Variants in TFDP2 observed in about 807,000 individuals in gnomAD.
TFDP2 encodes the protein transcription factor Dp-2 (E2F dimerization partner 2).
A neutral mutation model predicts 59.3 loss-of-function variants in TFDP2; 17 were observed. That is an observed-to-expected ratio of 0.29 (90% CI 0.20 to 0.43). The LOEUF (loss-of-function observed/expected upper bound fraction) is 0.43, where lower values mean the gene tolerates loss of function less well. TFDP2 is among the 20% of genes least tolerant of loss of function. The probability of loss-of-function intolerance (pLI) is 1.00; values close to 1 mark genes in which losing one functional copy is unlikely to be tolerated. For synonymous variants in TFDP2, 180 were observed against 194.7 expected (o/e 0.92, Z 0.63); for missense variants, 391 against 528.8 (o/e 0.74, Z 2.56).
In TFDP2 at chr3:142,110,103, T is replaced by C. The variant is rs527626274; in HGVS notation, c.-92-8262A>G. On this transcript the variant is annotated intron_variant, in intron 1 of 12. Transcript: ENST00000489671. ...TTCGCCACATTGCCCAGGCTGGTCT[T>C]GAAATCCTAAACTCAAGAGATCCAC... 7.2e-5 allele frequency among the ~76,000 whole-genome samples: 11 copies of C among 152,124 alleles called. No individual in the cohort carries two copies. In the East Asian group the frequency reaches 2.1e-3, roughly 30 times the overall value.
intron 3 of TFDP2, among the ~76,000 whole-genome samples, chr3:142,084,424 A>G (rs115755163): frequency 0.051 from 7,692 of 152,216 alleles, 638 homozygotes; most frequent in African/African-American, 0.17. Flanking sequence ...GAGCTCCTCA[A>G]AAAACTAAAA....
At chr3:142,149,148 C>A in intron 1 of TFDP2, 35 bp downstream of exon 1, 1 of 397,876 alleles carries the variant, frequency 2.5e-6, no homozygotes, top group East Asian at 3.6e-5. Flanking sequence ...AAAGGCCCTC[C>A]GCGCGCGGGC....
intron 3 of TFDP2, among the ~76,000 whole-genome samples, chr3:142,087,915 A>C (rs1216244260): frequency 6.6e-6 from 1 of 152,156 alleles, no homozygotes; most frequent in East Asian, 1.9e-4. Flanking sequence ...CCTCTGCTAC[A>C]TTGTTACTTC....
chr3:141,995,288 T>C, intron 4 of TFDP2, 147 bp from the exon 5 acceptor site: 2 of 519,966 alleles, frequency 3.8e-6, no homozygotes, highest in Non-Finnish European at 6.3e-6. Context: ...ATATAAGCAA[T>C]GCCTTTGATT....
intron 8 of TFDP2, among the ~76,000 whole-genome samples, chr3:141,970,451 CTCTA>C (rs1321000169): frequency 1.3e-5 from 2 of 152,228 alleles, no homozygotes; most frequent in Non-Finnish European, 1.5e-5. Flanking sequence ...TTTATACTCA[CTCTA>C]TCTGCCAACA....
intron 3 of TFDP2, among the ~76,000 whole-genome samples, chr3:142,034,184 C>T (rs919882604): frequency 4.0e-5 from 6 of 150,862 alleles, no homozygotes; most frequent in African/African-American, 1.5e-4. Flanking sequence ...CAACCTCCGC[C>T]TCCCAGGTTC....
At chr3:142,069,933 T>A (rs1268024142) in intron 3 of TFDP2, among the ~76,000 whole-genome samples, 1 of 150,230 alleles carries the variant, frequency 6.7e-6, no homozygotes, top group Non-Finnish European at 1.5e-5. Flanking sequence ...TGAGATGGAG[T>A]CTTGCTCTGT....
At chr3:142,044,241 T>TG (rs1560080669) in intron 3 of TFDP2, 100 of 243,842 alleles carry the variant, frequency 4.1e-4, no homozygotes, top group South Asian at 1.3e-3. Context: ...TTTTTTTTTT[T>TG]TTTTTTTTTT....
intron 1 of TFDP2, among the ~76,000 whole-genome samples, chr3:142,135,855 C>A (rs1262470316): frequency 6.6e-6 from 1 of 152,038 alleles, no homozygotes; most frequent in Non-Finnish European, 1.5e-5. Flanking sequence ...AATAGTGCTG[C>A]AATAAACACA....
At chr3:141,988,022 T>C (rs1215049572) in intron 6 of TFDP2, among the ~76,000 whole-genome samples, 2 of 150,598 alleles carry the variant, frequency 1.3e-5, no homozygotes, top group African/African-American at 4.8e-5. Flanking sequence ...TCTTGGCTCA[T>C]TGCAGCCTTG....
At chr3:142,029,609 T>G (rs939730232) in intron 3 of TFDP2, among the ~76,000 whole-genome samples, 3 of 152,190 alleles carry the variant, frequency 2.0e-5, no homozygotes, top group Non-Finnish European at 4.4e-5. Context: ...ACTGTCAATA[T>G]TAATAAGCTT....
intron 6 of TFDP2, among the ~76,000 whole-genome samples, chr3:141,987,232 AT>A (rs2108126370): frequency 6.6e-6 from 1 of 151,878 alleles, no homozygotes; most frequent in African/African-American, 2.4e-5. Context: ...AAAGCTTTTT[AT>A]TCACTACTAA....
intron 4 of TFDP2, among the ~76,000 whole-genome samples, chr3:142,002,614 T>C (rs551462548): frequency 6.6e-6 from 1 of 152,250 alleles, no homozygotes; most frequent in South Asian, 2.1e-4. Context: ...AAAGTGAGGC[T>C]TTCTCTATAG....
At chr3:142,032,025 C>T (rs896946296) in intron 3 of TFDP2, among the ~76,000 whole-genome samples, 5 of 152,182 alleles carry the variant, frequency 3.3e-5, no homozygotes, top group Admixed American at 6.5e-5. Context: ...AAAAACATTG[C>T]ATAGTAAATA....
chr3:142,077,282 C>T (rs972147236), intron 3 of TFDP2, among the ~76,000 whole-genome samples: 1 of 152,182 alleles, frequency 6.6e-6, no homozygotes, highest in Non-Finnish European at 1.5e-5. Context: ...TCAGCAAGTC[C>T]TAGTGCTGTG....
In TFDP2 at chr3:141,949,278, A is replaced by G. The variant is rs1935639655; in HGVS notation, c.*3235T>C. On this transcript the variant is annotated 3_prime_UTR_variant, in exon 13 of 13. Coordinates refer to ENST00000489671, the MANE Select transcript of TFDP2 (RefSeq NM_001178139.2). ...AGCTTTTTCTTCCCAGCACTTCTTT[A>G]AAGAATTAAATTGAAGGACGCCAAA... is the stretch of plus-strand genomic sequence containing the variant. 1 of 152,056 alleles carries G rather than the reference A, an allele frequency of 6.6e-6. No individual in the cohort carries two copies. The highest frequency in any genetic ancestry group is 6.6e-5 in the Admixed American group (1 of 15,256). 9.4% of individuals were successfully genotyped at this position (152,056 alleles called of 1,614,324 possible).
intron 1 of TFDP2, among the ~76,000 whole-genome samples, chr3:142,119,820 G>A (rs1177033657): frequency 6.6e-6 from 1 of 152,168 alleles, no homozygotes; most frequent in African/African-American, 2.4e-5. Context: ...GGAGGCCAAG[G>A]CAGGCGGATC....
intron 8 of TFDP2, among the ~76,000 whole-genome samples, 177 bp downstream of exon 8, chr3:141,973,871 C>A (rs1209181534): frequency 1.3e-5 from 2 of 152,090 alleles, no homozygotes. Flanking sequence ...GCAAATTAAA[C>A]TGCAGACTAT....
At position 142,050,139 on chromosome 3, in the gene TFDP2, C is replaced by T. The variant is rs145622787; in HGVS notation, c.82+42922G>A. ...AAAATTAGCTGGGCGTGGTGGCAAG[C>T]GTCTGTAATCCCAGCTACTCGGGAG... On this transcript the variant is annotated intron_variant, in intron 3 of 12. Coordinates refer to ENST00000489671, the MANE Select transcript of TFDP2 (RefSeq NM_001178139.2). Among the ~76,000 whole-genome samples, 133 of 151,764 alleles carry T rather than the reference C, an allele frequency of 8.8e-4. 2 individuals are homozygous for T. The East Asian group carries it at 0.023, about 26-fold the overall frequency.
Sources: allele counts gnomAD v4.1 joint callset (sites outside exome capture counted in the v4.1 genomes callset), GRCh38; gene constraint gnomAD v4.1.1; transcripts MANE v1.5; gene names NCBI Gene and HGNC (gene_info 2026-07-23, HGNC 2026-07-21).